Variants in KIF9 observed in about 807,000 individuals in gnomAD.
The protein encoded by KIF9 is kinesin family member 9, also known as kinesin-like protein KIF9.
A neutral mutation model predicts 94.8 loss-of-function variants in KIF9; 68 were observed. The ratio of observed to expected loss-of-function variants is 0.72; its 90% CI spans 0.59 to 0.88. The LOEUF (loss-of-function observed/expected upper bound fraction) is 0.88. Among genes scored for constraint, KIF9 ranks in the 40% least tolerant of loss-of-function variants. The pLI, the probability that KIF9 is intolerant of heterozygous loss-of-function variation, is 0.00. For synonymous variants in KIF9, 343 were observed against 362.1 expected (o/e 0.95, Z 0.60); for missense variants, 882 against 982.5 (o/e 0.90, Z 1.37).
At chr3:47,275,538 G>A in intron 2 of KIF9, 48 bp from the exon 3 acceptor site, 2 of 1,472,526 alleles carry the variant, frequency 1.4e-6, no homozygotes, top group Non-Finnish European at 1.9e-6. Flanking sequence ...GTTCAAAAAT[G>A]GGTATAAAAA....
intron 4 of KIF9, among the ~76,000 whole-genome samples, chr3:47,271,802 G>A (rs528836759): frequency 1.3e-5 from 2 of 152,208 alleles, no homozygotes; most frequent in South Asian, 4.2e-4. Flanking sequence ...GGAGCAATAC[G>A]TATTTGTGGA....
rs1701645627 is a variant in KIF9, at chr3:47,271,481, G to A, written c.367-20C>T. 4 of 1,602,534 alleles carry A rather than the reference G, an allele frequency of 2.5e-6. No individual in the cohort carries two copies. Among genetic ancestry groups the A allele is most frequent in the Non-Finnish European group, 3.4e-6 (4 of 1,169,668 alleles). On this transcript the variant is annotated intron_variant, in intron 4 of 20. Transcript: ENST00000684063. ...AAAAACCTAGATGACAGATTGTACA[G>A]CGGTCACCAAGAGCAGAACCCCAAC...
chr3:47,267,391 G>C (rs768610357), intron 5 of KIF9, 128 bp from the exon 6 acceptor site: 25 of 717,976 alleles, frequency 3.5e-5, no homozygotes, highest in Non-Finnish European at 5.9e-5. Context: ...GGGCCTTCCA[G>C]GCAAACCTCT....
In KIF9 at chr3:47,243,090, A is replaced by C; in HGVS notation, c.1670T>G (p.Leu557Arg). ...TTCCTCCTTCGGGGAGTCTGAGGGA[A>C]GGGGCTCAATGCTGGAAGTTTCCCG... The part of the protein sequence containing the change: ...RDRETSSIEP[L>R]PSDSPKEELR... The change falls in exon 16 of 21, where the codon CTT (leucine) becomes CGT (arginine). Residue 557 changes from leucine (L) to arginine (R), a missense_variant. Coordinates refer to ENST00000684063, the MANE Select transcript of KIF9 (RefSeq NM_182902.4). 1 of 1,613,128 alleles carries C rather than the reference A, an allele frequency of 6.2e-7. No individual in the cohort carries two copies. The highest frequency in any genetic ancestry group is 1.1e-5 in the South Asian group (1 of 91,020).
At chr3:47,278,793 G>A (rs1313071234) in intron 1 of KIF9, among the ~76,000 whole-genome samples, 3 of 151,974 alleles carry the variant, frequency 2.0e-5, no homozygotes, top group African/African-American at 7.2e-5. Flanking sequence ...CCAACATGGT[G>A]AAATGCCATC....
chr3:47,267,027 G>T lies in KIF9; in HGVS notation c.717C>A (p.Ser239=). Reference sequence around the variant, plus strand: ...CTGCCAGATCCACCAAGTTAATTTTGGAAGTGATGTACTTTTCCTCTGATA... The same window carrying T: ...CTGCCAGATCCACCAAGTTAATTTTTGAAGTGATGTACTTTTCCTCTGATA... ...RTLSEEKYIT[S]KINLVDLAGS... Residue 239 remains serine (S), a synonymous_variant, in exon 7 of 21, where the codon TCC becomes TCA. Transcript: ENST00000684063. 1.9e-6 allele frequency: 3 copies of T among 1,613,832 alleles called. No individual in the cohort carries two copies. Among genetic ancestry groups the T allele is most frequent in the Non-Finnish European group, 2.5e-6 (3 of 1,179,980 alleles).
At chr3:47,233,957 A>G (rs1359600415) in intron 20 of KIF9, among the ~76,000 whole-genome samples, 2 of 151,674 alleles carry the variant, frequency 1.3e-5, no homozygotes, top group Admixed American at 6.6e-5. Flanking sequence ...CGGGCATGGT[A>G]GCATGCCCCC....
chr3:47,238,483 T>C (rs1031756952), intron 17 of KIF9: 1 of 152,056 alleles, frequency 6.6e-6, no homozygotes, highest in African/African-American at 2.4e-5. Flanking sequence ...CCTCCCAAAG[T>C]GCTGAGATTA....
At position 47,228,638 on chromosome 3, in the gene KIF9, C is replaced by T. The variant is rs774256063; in HGVS notation, c.*14G>A. On this transcript the variant is annotated 3_prime_UTR_variant, in exon 21 of 21. Transcript: ENST00000684063. ...GTTGCTGGTCTTGTCCTTTAAGGTA[C>T]TGGCGATGAGGTTCTATTTTCTATG... The T allele has an allele frequency of 3.7e-6, 6 of 1,611,284 alleles. No homozygotes were observed. Among genetic ancestry groups the T allele is most frequent in the Non-Finnish European group, 5.1e-6 (6 of 1,177,476 alleles).
rs752142006 is a variant in KIF9, at chr3:47,267,232, G to A, written c.623C>T (p.Thr208Ile). 3.1e-6 allele frequency: 5 copies of A among 1,613,706 alleles called. No individual in the cohort carries two copies. In the Admixed American group the frequency reaches 6.7e-5, roughly 22 times the overall value. Residue 208 changes from threonine to isoleucine, a missense_variant, in exon 6 of 21, where the codon ACT becomes ATT. Thr to Ile is a moderately conservative substitution (Grantham distance 89). Transcript: ENST00000684063. ...TGATCTGGAAGAGTTTTTGTTCATA[G>A]TGTGGGAGGCTATAATCCTGTTGGT... ...GETNRIIASH[T>I]MNKNSSRSHC...
At chr3:47,278,000 G>T (rs1224438182) in intron 1 of KIF9, among the ~76,000 whole-genome samples, 1 of 152,010 alleles carries the variant, frequency 6.6e-6, no homozygotes, top group Non-Finnish European at 1.5e-5. Context: ...TTCAGTGTGT[G>T]TGTGTGTGTG....
chr3:47,253,053 C>T (rs1039564705), intron 10 of KIF9, among the ~76,000 whole-genome samples: 1 of 151,948 alleles, frequency 6.6e-6, no homozygotes, highest in African/African-American at 2.4e-5. Context: ...TTCAAGAATA[C>T]AGAAAAGCAG....
chr3:47,243,376 G>T, intron 15 of KIF9, 131 bp from the exon 16 acceptor site: 1 of 657,980 alleles, frequency 1.5e-6, no homozygotes, highest in Non-Finnish European at 2.4e-6. Flanking sequence ...TTGTTCATAT[G>T]CCTAGGTAAA....
intron 1 of KIF9, among the ~76,000 whole-genome samples, chr3:47,280,649 T>A (rs1702270002): frequency 6.6e-6 from 1 of 152,118 alleles, no homozygotes; most frequent in African/African-American, 2.4e-5. Context: ...ACACCACTGC[T>A]CTCCAGCCTG....
chr3:47,247,906 C>A, intron 11 of KIF9, 112 bp downstream of exon 11: 2 of 818,986 alleles, frequency 2.4e-6, no homozygotes, highest in Non-Finnish European at 4.1e-6. Flanking sequence ...TGCCCCCCAA[C>A]CCCGCCCACC....
Position 47,246,235 on chromosome 3 carries a change from C to A in KIF9, c.1251G>T (p.Gln417His). 6.2e-7 allele frequency: 1 copy of A among 1,612,470 alleles called. No homozygotes were observed. Among genetic ancestry groups the A allele is most frequent in the South Asian group, 1.1e-5 (1 of 90,594 alleles). Residue 417 changes from glutamine to histidine, a missense_variant, in exon 13 of 21, where the codon CAG becomes CAT. Coordinates refer to ENST00000684063, the MANE Select transcript of KIF9 (RefSeq NM_182902.4). ...LDEIDIISLR[Q>H]IKEVFNQFRV... The stretch of plus-strand genomic sequence containing the variant: ...GGAACTGGTTGAACACCTCCTTGAT[C>A]TGTCTAAGGCTGATTATCTGGAGGG...
intron 10 of KIF9, among the ~76,000 whole-genome samples, chr3:47,253,244 C>G (rs1700379789): frequency 1.3e-5 from 2 of 152,004 alleles, no homozygotes; most frequent in African/African-American, 4.8e-5. Context: ...CAACCACTGC[C>G]CCTCAGGCAC....
At chr3:47,280,669 G>A (rs1171262526) in intron 1 of KIF9, among the ~76,000 whole-genome samples, 3 of 152,214 alleles carry the variant, frequency 2.0e-5, no homozygotes, top group African/African-American at 4.8e-5. Flanking sequence ...GGACAACAGC[G>A]TGAGACTGTC....
chr3:47,252,812 A>G (rs1385852042), intron 10 of KIF9, among the ~76,000 whole-genome samples: 1 of 152,008 alleles, frequency 6.6e-6, no homozygotes, highest in Non-Finnish European at 1.5e-5. Context: ...CAGGAGTTTG[A>G]GACCAGCCTG....
Sources: allele counts gnomAD v4.1 joint callset (sites outside exome capture counted in the v4.1 genomes callset), GRCh38; gene constraint gnomAD v4.1.1; transcripts MANE v1.5; gene names NCBI Gene and HGNC (gene_info 2026-07-23, HGNC 2026-07-21).